Variants in CCDC141 observed in about 807,000 individuals in gnomAD.
CCDC141 encodes coiled-coil domain-containing protein 141.
Under a neutral mutation model 181.0 loss-of-function variants are expected in CCDC141, and 168 were observed. That is an observed-to-expected ratio of 0.93 (90% confidence interval 0.82 to 1.05). The LOEUF is 1.05. Ranked by LOEUF, CCDC141 falls within the 50% of genes least tolerant of loss-of-function variation. The pLI is 0.00. For missense variants in CCDC141, 1,902 were observed against 1,788.5 expected (o/e 1.06, Z -1.14); for synonymous variants, 666 against 642.3 (o/e 1.04, Z -0.56).
chr2:178,974,375 T>A (rs973978534), intron 4 of CCDC141, among the ~76,000 whole-genome samples: 2 of 152,186 alleles, frequency 1.3e-5, no homozygotes, highest in Non-Finnish European at 2.9e-5. Context: ...TATCAATTTA[T>A]CTAACCTCCT....
At chr2:178,875,727 A>G (rs1686330096) in intron 12 of CCDC141, 1 of 152,198 alleles carries the variant, frequency 6.6e-6, no homozygotes, top group Non-Finnish European at 1.5e-5. Context: ...CAGTAATTTA[A>G]TAAATAAAAG....
chr2:178,980,509 T>C (rs1691328407), intron 2 of CCDC141, among the ~76,000 whole-genome samples: 1 of 152,024 alleles, frequency 6.6e-6, no homozygotes, highest in African/African-American at 2.4e-5. Flanking sequence ...CTCTGGAAAG[T>C]AGTCAAAGAT....
intron 20 of CCDC141, among the ~76,000 whole-genome samples, chr2:178,850,493 G>A (rs1446921318): frequency 6.6e-6 from 1 of 152,082 alleles, no homozygotes; most frequent in African/African-American, 2.4e-5. Context: ...AATTCCTCAG[G>A]ATGGCATTCA....
At chr2:178,889,405 A>C (rs529522687) in intron 8 of CCDC141, among the ~76,000 whole-genome samples, 77 of 152,226 alleles carry the variant, frequency 5.1e-4, no homozygotes, top group Admixed American at 4.8e-3. Context: ...TGAACACTTA[A>C]ATTTTCCAAC....
chr2:179,001,982 C>CTAA (rs2041997440), intron 2 of CCDC141: 1 of 159,614 alleles, frequency 6.3e-6, no homozygotes, highest in Admixed American at 6.4e-5. Flanking sequence ...CCACACCTGG[C>CTAA]TAATTTTTGT....
At position 178,918,626 on chromosome 2, in the gene CCDC141, C is replaced by A. The variant is rs548833111; in HGVS notation, c.1092+87G>T. 7 of 1,107,342 alleles carry A rather than the reference C, an allele frequency of 6.3e-6. No homozygotes were observed. The South Asian group carries it at 1.2e-4, about 19-fold the overall frequency. The allele number at this position is 1,107,342 out of a possible 1,614,324, so 68.6% of individuals were successfully genotyped here. The stretch of plus-strand genomic sequence containing the variant: ...GAAATTTTACATGGCGTTTTGACTT[C>A]TGTGATGTGCTCCAGTCAGTTGAAG... On this transcript the variant is annotated intron_variant, in intron 7 of 23. Transcript: ENST00000443758.
intron 2 of CCDC141, among the ~76,000 whole-genome samples, chr2:178,989,946 C>A (rs1216559243): frequency 6.6e-6 from 1 of 151,100 alleles, no homozygotes; most frequent in African/African-American, 2.4e-5. Flanking sequence ...TCACGACCAG[C>A]CTGACCAACA....
At chr2:178,908,993 G>A (rs1688104694) in intron 7 of CCDC141, among the ~76,000 whole-genome samples, 1 of 152,156 alleles carries the variant, frequency 6.6e-6, no homozygotes, top group Admixed American at 6.5e-5. Flanking sequence ...GCCACCTGGT[G>A]CCTGTCATTC....
chr2:178,837,409 A>T lies in CCDC141; in HGVS notation c.3810T>A (p.Val1270=). Residue 1270 remains valine, a synonymous_variant, in exon 23 of 24, where the codon GTT becomes GTA. Transcript: ENST00000443758. Reference sequence around the variant, plus strand: ...TATCATTGCATGCATCCGCAAAGGCAACAGGTGGTGGAAGAACAGATTCCT... The same window carrying T: ...TATCATTGCATGCATCCGCAAAGGCTACAGGTGGTGGAAGAACAGATTCCT... ...DAQESVLPPP[V]AFADACNDKR... 1 of 1,614,120 alleles carries T rather than the reference A, an allele frequency of 6.2e-7. No individual in the cohort carries two copies.
chr2:179,006,434 C>G (rs1446201550), intron 2 of CCDC141, among the ~76,000 whole-genome samples: 1 of 152,146 alleles, frequency 6.6e-6, no homozygotes, highest in African/African-American at 2.4e-5. Flanking sequence ...GTTCAATGAT[C>G]ACTCTGCAAG....
At chr2:178,968,281 T>C (rs140284279) in intron 4 of CCDC141, among the ~76,000 whole-genome samples, 178 of 152,328 alleles carry the variant, frequency 1.2e-3, no homozygotes, top group Non-Finnish European at 2.1e-3. Context: ...CAACAGAATA[T>C]ACATTTTTCT....
intron 4 of CCDC141, among the ~76,000 whole-genome samples, chr2:178,967,541 G>A (rs1174154511): frequency 1.3e-5 from 2 of 152,156 alleles, no homozygotes; most frequent in African/African-American, 2.4e-5. Context: ...AGGAAATGCT[G>A]AGAGATTTTG....
chr2:178,933,021 T>C (rs1280801450), intron 6 of CCDC141, among the ~76,000 whole-genome samples: 3 of 152,172 alleles, frequency 2.0e-5, no homozygotes, highest in African/African-American at 4.8e-5. Context: ...TTGAAGGAAC[T>C]TGGGGCCAAG....
intron 2 of CCDC141, among the ~76,000 whole-genome samples, chr2:179,005,215 C>T (rs945721559): frequency 1.3e-5 from 2 of 152,022 alleles, no homozygotes; most frequent in Admixed American, 6.6e-5. Flanking sequence ...TCCAATTAGA[C>T]TATCTGTAAT....
At chr2:178,921,633 G>A (rs574389139) in intron 6 of CCDC141, among the ~76,000 whole-genome samples, 1 of 152,236 alleles carries the variant, frequency 6.6e-6, no homozygotes, top group East Asian at 1.9e-4. Context: ...CTAGAGGAAA[G>A]TGTGGTGTGG....
chr2:178,833,818 C>A lies in CCDC141; in HGVS notation c.*355G>T. On this transcript the variant is annotated 3_prime_UTR_variant, in exon 24 of 24. Transcript: ENST00000443758. ...AATTAAAAATATATTATTGAACAAC[C>A]ATATTTGAAATTTAGCACATTTCTA... 1.1e-5 allele frequency: 2 copies of A among 182,620 alleles called. No homozygotes were observed. Among genetic ancestry groups the A allele is most frequent in the East Asian group, 1.4e-4 (1 of 7,246 alleles). 11.3% of individuals were successfully genotyped at this position (182,620 alleles called of 1,614,324 possible). A position where few individuals can be genotyped will look rare whatever the true frequency, so the allele number is the denominator to read the frequency against.
intron 5 of CCDC141, among the ~76,000 whole-genome samples, chr2:178,945,859 A>G (rs1324328663): frequency 6.6e-6 from 1 of 151,640 alleles, no homozygotes; most frequent in Non-Finnish European, 1.5e-5. Context: ...GCGTGCACAC[A>G]CACACACACA....
intron 22 of CCDC141, among the ~76,000 whole-genome samples, chr2:178,839,830 G>A (rs768953198): frequency 4.6e-5 from 7 of 152,000 alleles, no homozygotes; most frequent in African/African-American, 1.2e-4. Context: ...TTTGGCTGTC[G>A]TGCCACAGCT....
intron 12 of CCDC141, chr2:178,876,545 C>T (rs1226377589): frequency 3.3e-5 from 5 of 152,108 alleles, no homozygotes; most frequent in Non-Finnish European, 1.5e-5. Flanking sequence ...GAGAAAGTCT[C>T]CCATTATAGA....
Sources: allele counts gnomAD v4.1 joint callset (sites outside exome capture counted in the v4.1 genomes callset), GRCh38; gene constraint gnomAD v4.1.1; transcripts MANE v1.5; gene names NCBI Gene and HGNC (gene_info 2026-07-23, HGNC 2026-07-21).